The following ACER1 variants were observed in gnomAD, a reference collection of about 807,000 sequenced individuals.
The protein encoded by ACER1 is CTB-180A7.3.
In ACER1, 28 loss-of-function variants were observed where a neutral mutation model predicts 24.9. That is an observed-to-expected ratio of 1.13 (90% CI 0.83 to 1.54). The LOEUF (loss-of-function observed/expected upper bound fraction) is 1.54. ACER1 is among the 40% of genes most tolerant of loss of function. The pLI is 0.00. For synonymous variants in ACER1, 132 were observed against 131.4 expected (o/e 1.00, Z -0.03); for missense variants, 352 against 349.3 (o/e 1.01, Z -0.06).
Position 6,306,845 on chromosome 19 carries a change from C to T in ACER1, c.664G>A (p.Val222Ile), listed in dbSNP as rs996225691. ...LISITFPYGM[V>I]TMALVDANYE... The stretch of plus-strand genomic sequence containing the variant: ...TTGGCATCCACCAAGGCCATGGTGA[C>T]CATGCCATAAGGGAAGGTGATGCTG... The change falls in exon 6 of 6, where the codon GTC becomes ATC. Residue 222 changes from valine (V) to isoleucine (I), a missense_variant. Val to Ile is a conservative substitution (Grantham distance 29). Transcript: ENST00000301452. The T allele has an allele frequency of 1.2e-6, 2 of 1,614,086 alleles. No individual in the cohort carries two copies. The highest frequency in any genetic ancestry group is 2.2e-5 in the East Asian group (1 of 44,876).
intron 1 of ACER1, among the ~76,000 whole-genome samples, chr19:6,320,033 G>A (rs1236664648): frequency 4.7e-5 from 7 of 150,446 alleles, no homozygotes; most frequent in African/African-American, 9.8e-5. Flanking sequence ...TCGCTTGAAC[G>A]TGGAGGCTGC....
At chr19:6,350,922 T>C in the ACER1 span, among the ~76,000 whole-genome samples, 28 of 152,050 alleles carry the variant, frequency 1.8e-4, no homozygotes, top group Non-Finnish European at 4.1e-4. Flanking sequence ...AATAGAGAAT[T>C]TGTGTGTCAG....
chr19:6,337,643 TC>T (rs2091719551), upstream of ACER1, among the ~76,000 whole-genome samples: 22 of 125,974 alleles, frequency 1.7e-4, no homozygotes, highest in African/African-American at 7.1e-4. Context: ...CTTTTTCTTT[TC>T]TTTTCTTTCT....
Position 6,307,160 on chromosome 19 carries a change from T to C in ACER1, c.619A>G (p.Ser207Gly). ...WQRIHFFYLHSIWHVLISITF... is the reference protein window; with the variant it reads ...WQRIHFFYLHGIWHVLISITF... ...CTCAGAGCATGTGCTTACCAGATGCTGTGCAGATAGAAGAAATGAATCCTC... is the reference window on the plus strand; with the variant it reads ...CTCAGAGCATGTGCTTACCAGATGCCGTGCAGATAGAAGAAATGAATCCTC... The change falls in exon 5 of 6, where the codon AGC (serine) becomes GGC (glycine). Residue 207 changes from serine to glycine, a missense_variant. Ser to Gly is a moderately conservative substitution (Grantham distance 56). Coordinates refer to ENST00000301452, the MANE Select transcript of ACER1 (RefSeq NM_133492.3). 6.2e-7 allele frequency: 1 copy of C among 1,614,090 alleles called. No homozygotes were observed. The highest frequency in any genetic ancestry group is 8.5e-7 in the Non-Finnish European group (1 of 1,180,032).
At position 6,312,256 on chromosome 19, in the gene ACER1, G is replaced by A. The variant is rs1276012924; in HGVS notation, c.243C>T (p.Ser81=). ...TCTCGTCCAGCAGCTGGCCCAGGAA[G>A]CTGAGCGTCATGTGGAAATACATGG... The part of the protein sequence containing the change: ...LFSMYFHMTL[S]FLGQLLDEIA... Residue 81 remains serine, a synonymous_variant, in exon 3 of 6, where the codon AGC becomes AGT. Transcript: ENST00000301452. 1 of 1,614,014 alleles carries A rather than the reference G, an allele frequency of 6.2e-7. No individual in the cohort carries two copies. Among genetic ancestry groups the A allele is most frequent in the Non-Finnish European group, 8.5e-7 (1 of 1,179,996 alleles).
intron 1 of ACER1, among the ~76,000 whole-genome samples, chr19:6,326,863 C>T (rs1034904040): frequency 2.0e-5 from 3 of 150,592 alleles, no homozygotes; most frequent in East Asian, 2.0e-4. Flanking sequence ...CGAACCGTTA[C>T]GTCTTCATCT....
chr19:6,349,743 TG>T, the ACER1 span, among the ~76,000 whole-genome samples: 1 of 151,942 alleles, frequency 6.6e-6, no homozygotes, highest in Middle Eastern at 3.4e-3. Context: ...CTGAGGGAGG[TG>T]GCTCTCTGCA....
intron 1 of ACER1, among the ~76,000 whole-genome samples, chr19:6,313,321 A>G (rs1364118131): frequency 6.6e-6 from 1 of 151,936 alleles, no homozygotes; most frequent in Non-Finnish European, 1.5e-5. Context: ...GGGTCTCACT[A>G]TGTCACCCAG....
intron 1 of ACER1, among the ~76,000 whole-genome samples, chr19:6,323,777 A>G (rs998432991): frequency 6.6e-6 from 1 of 152,190 alleles, no homozygotes; most frequent in Non-Finnish European, 1.5e-5. Context: ...ATTGATAAGA[A>G]GGACAGCAGA....
the ACER1 span, among the ~76,000 whole-genome samples, chr19:6,355,216 C>T: frequency 6.6e-6 from 1 of 152,002 alleles, no homozygotes; most frequent in African/African-American, 2.4e-5. Context: ...CCCAAAGTGC[C>T]GAGATTGCAG....
the ACER1 span, among the ~76,000 whole-genome samples, chr19:6,356,518 T>C: frequency 1.3e-5 from 2 of 152,136 alleles, no homozygotes; most frequent in East Asian, 3.9e-4. Context: ...GACACCCTAC[T>C]ACCCATACCC....
the ACER1 span, among the ~76,000 whole-genome samples, chr19:6,339,808 G>A: frequency 6.6e-6 from 1 of 151,930 alleles, no homozygotes; most frequent in African/African-American, 2.4e-5. Flanking sequence ...GACTACAGGC[G>A]CCCGCCACCA....
intron 1 of ACER1, among the ~76,000 whole-genome samples, chr19:6,331,829 C>T (rs2091688633): frequency 6.6e-6 from 1 of 152,084 alleles, no homozygotes; most frequent in Admixed American, 6.6e-5. Flanking sequence ...GAACTAAGCA[C>T]TATGCCTGGA....
chr19:6,316,815 C>T (rs1191069240), intron 1 of ACER1, among the ~76,000 whole-genome samples: 1 of 143,432 alleles, frequency 7.0e-6, no homozygotes, highest in Admixed American at 6.9e-5. Flanking sequence ...GCGAGACTCC[C>T]TCTCAAAAAA....
chr19:6,323,068 C>T (rs1227311044), intron 1 of ACER1, among the ~76,000 whole-genome samples: 13 of 152,062 alleles, frequency 8.5e-5, no homozygotes, highest in Admixed American at 2.0e-4. Flanking sequence ...ACGGAGATCA[C>T]GCCATTGCAC....
intron 1 of ACER1, among the ~76,000 whole-genome samples, chr19:6,318,145 C>G (rs561286531): frequency 6.6e-6 from 1 of 151,468 alleles, no homozygotes; most frequent in East Asian, 2.0e-4. Flanking sequence ...CACGGTGAAA[C>G]CCCGTCCTAA....
chr19:6,347,110 ATATAT>A, the ACER1 span, among the ~76,000 whole-genome samples: 1 of 52,364 alleles, frequency 1.9e-5, no homozygotes, highest in African/African-American at 1.0e-4. Flanking sequence ...AAAAAAAAAA[ATATAT>A]ATATATATAT....
At chr19:6,308,435 CAAAAAAAAA>C (rs11343156) in intron 4 of ACER1, among the ~76,000 whole-genome samples, 1 of 103,908 alleles carries the variant, frequency 9.6e-6, no homozygotes, top group Non-Finnish European at 2.0e-5. Flanking sequence ...GACTCCGTCT[CAAAAAAAAA>C]AAAAAAAAAA....
At chr19:6,342,046 A>G in the ACER1 span, among the ~76,000 whole-genome samples, 50,898 of 152,168 alleles carry the variant, frequency 0.33, 14,315 homozygotes, top group African/African-American at 0.77. Flanking sequence ...TTTTTGGAAA[A>G]TGAACTTGTT....
Sources: allele counts gnomAD v4.1 joint callset (sites outside exome capture counted in the v4.1 genomes callset), GRCh38; gene constraint gnomAD v4.1.1; transcripts MANE v1.5; gene names NCBI Gene and HGNC (gene_info 2026-07-23, HGNC 2026-07-21).